Variants in RNF111 observed in about 807,000 individuals in gnomAD.
RNF111 encodes E3 ubiquitin-protein ligase Arkadia.
In RNF111, 17 loss-of-function variants were observed where a neutral mutation model predicts 95.1. The ratio of observed to expected loss-of-function variants is 0.18; its 90% CI spans 0.12 to 0.27. RNF111 has a LOEUF of 0.27. Ranked by LOEUF, RNF111 falls within the 10% of genes least tolerant of loss-of-function variation. The pLI, the probability that RNF111 is intolerant of heterozygous loss-of-function variation, is 1.00. For missense variants in RNF111, 1,189 were observed against 1,210.4 expected (o/e 0.98, Z 0.26); for synonymous variants, 440 against 414.8 (o/e 1.06, Z -0.74).
intron 8 of RNF111, among the ~76,000 whole-genome samples, chr15:59,081,679 C>T (rs1159382756): frequency 6.6e-6 from 1 of 152,008 alleles, no homozygotes; most frequent in Non-Finnish European, 1.5e-5. Context: ...GACTGTGCCA[C>T]TGCACTCTAG....
chr15:59,084,106 C>G (rs775054846), intron 8 of RNF111, 23 bp from the exon 9 acceptor site: 44 of 1,560,422 alleles, frequency 2.8e-5, no homozygotes, highest in Admixed American at 2.1e-4. Context: ...TTCCAGTGGT[C>G]TTTTTGTGTT....
At chr15:59,047,750 G>GT (rs1434338178) in intron 2 of RNF111, among the ~76,000 whole-genome samples, 5 of 151,728 alleles carry the variant, frequency 3.3e-5, no homozygotes, top group Non-Finnish European at 5.9e-5. Flanking sequence ...TAATTTTTGT[G>GT]TTTTTTGTAG....
At chr15:59,048,560 T>A (rs2141928937) in intron 2 of RNF111, among the ~76,000 whole-genome samples, 1 of 152,298 alleles carries the variant, frequency 6.6e-6, no homozygotes, top group East Asian at 1.9e-4. Context: ...TTACTAAAAT[T>A]AGCAAAATGT....
intron 4 of RNF111, among the ~76,000 whole-genome samples, chr15:59,057,783 C>T (rs1274700776): frequency 2.0e-5 from 3 of 152,202 alleles, no homozygotes; most frequent in Admixed American, 1.3e-4. Context: ...CTCTGTAAGG[C>T]ATCATACGAA....
intron 1 of RNF111, among the ~76,000 whole-genome samples, chr15:59,016,981 C>G (rs1344370976): frequency 6.6e-6 from 1 of 151,862 alleles, no homozygotes; most frequent in African/African-American, 2.4e-5. Context: ...CTGTCACTGT[C>G]TCCCATCACC....
chr15:59,024,399 C>A (rs1184659130), intron 1 of RNF111, among the ~76,000 whole-genome samples: 1 of 152,128 alleles, frequency 6.6e-6, no homozygotes, highest in Non-Finnish European at 1.5e-5. Context: ...GAGATTCCTG[C>A]TTCCTTGGAA....
chr15:59,036,825 T>C (rs556108364), intron 2 of RNF111, among the ~76,000 whole-genome samples: 1 of 152,220 alleles, frequency 6.6e-6, no homozygotes, highest in South Asian at 2.1e-4. Context: ...TTGTGGTTCT[T>C]TTTGGTTTGG....
chr15:59,042,693 T>G (rs960135635), intron 2 of RNF111, among the ~76,000 whole-genome samples: 4 of 152,240 alleles, frequency 2.6e-5, no homozygotes, highest in Non-Finnish European at 2.9e-5. Context: ...TTTTTCCTAT[T>G]GACTTGAGAT....
chr15:59,002,490 C>G (rs2039365474), intron 1 of RNF111, among the ~76,000 whole-genome samples: 1 of 151,490 alleles, frequency 6.6e-6, no homozygotes, highest in Non-Finnish European at 1.5e-5. Flanking sequence ...ATGTAATAAT[C>G]TTATGTAAAA....
Position 59,058,318 on chromosome 15 carries a change from T to C in RNF111, c.1172-38T>C. On this transcript the variant is annotated intron_variant, in intron 4 of 13. Coordinates refer to ENST00000348370, the MANE Select transcript of RNF111 (RefSeq NM_017610.8). ...TTAAAATATAACCCTTTATCTAATTTGTTTTGAAATGCTAAGTTGACATTT... is the reference window on the plus strand; with the variant it reads ...TTAAAATATAACCCTTTATCTAATTCGTTTTGAAATGCTAAGTTGACATTT... The C allele has an allele frequency of 2.0e-6, 3 of 1,517,724 alleles. No homozygotes were observed. The South Asian group carries it at 3.4e-5, about 17-fold the overall frequency. 94.0% of individuals were successfully genotyped at this position (1,517,724 alleles called of 1,614,324 possible). A position where few individuals can be genotyped will look rare whatever the true frequency, so the allele number is the denominator to read the frequency against.
At chr15:59,072,892 A>C (rs1012995942) in intron 6 of RNF111, among the ~76,000 whole-genome samples, 1 of 151,630 alleles carries the variant, frequency 6.6e-6, no homozygotes, top group Admixed American at 6.6e-5. Context: ...AAAAAAAAAA[A>C]ACAAAACACT....
intron 2 of RNF111, among the ~76,000 whole-genome samples, chr15:59,036,898 T>C (rs1301456962): frequency 6.6e-6 from 1 of 152,100 alleles, no homozygotes; most frequent in Non-Finnish European, 1.5e-5. Context: ...GGTGCAATTA[T>C]GACTCGCTGC....
At chr15:58,991,061 C>T (rs560671017) in intron 1 of RNF111, among the ~76,000 whole-genome samples, 6 of 151,938 alleles carry the variant, frequency 3.9e-5, no homozygotes, top group South Asian at 2.1e-4. Context: ...TTTGGGAAGC[C>T]GAGGCGGGTA....
intron 5 of RNF111, among the ~76,000 whole-genome samples, chr15:59,064,951 C>G (rs1263472049): frequency 6.6e-6 from 1 of 151,974 alleles, no homozygotes; most frequent in Admixed American, 6.6e-5. Context: ...TATGTGAACC[C>G]ATAATTCCCT....
intron 2 of RNF111, among the ~76,000 whole-genome samples, chr15:59,043,147 C>T (rs2041546290): frequency 6.6e-6 from 1 of 150,920 alleles, no homozygotes; most frequent in Non-Finnish European, 1.5e-5. Context: ...TTAAAGTGTA[C>T]AATTTAGTAA....
At chr15:59,005,807 A>G (rs1384600462) in intron 1 of RNF111, among the ~76,000 whole-genome samples, 7 of 152,244 alleles carry the variant, frequency 4.6e-5, no homozygotes, top group East Asian at 1.9e-4. Context: ...AACAACAACA[A>G]TAAAAGCTAT....
At chr15:59,012,743 CTTT>C (rs71119428) in intron 1 of RNF111, among the ~76,000 whole-genome samples, 3 of 142,862 alleles carry the variant, frequency 2.1e-5, no homozygotes, top group African/African-American at 7.7e-5. Context: ...CTCTTTTTTT[CTTT>C]TTTTTTTTTT....
At chr15:59,036,162 G>A (rs753358872) in intron 2 of RNF111, among the ~76,000 whole-genome samples, 2 of 152,038 alleles carry the variant, frequency 1.3e-5, no homozygotes, top group Non-Finnish European at 2.9e-5. Context: ...TGCAACCTCT[G>A]CCTCCTGGGT....
chr15:59,065,939 T>C (rs1278055436), intron 5 of RNF111, among the ~76,000 whole-genome samples: 1 of 151,924 alleles, frequency 6.6e-6, no homozygotes, highest in Non-Finnish European at 1.5e-5. Flanking sequence ...TGAGCAAATA[T>C]ATACAATGTA....
Sources: gnomAD v4.1 joint callset for allele counts (sites outside exome capture counted in the v4.1 genomes callset) on GRCh38, gnomAD v4.1.1 for gene constraint, MANE v1.5 for transcripts, NCBI Gene and HGNC (gene_info 2026-07-23, HGNC 2026-07-21) for gene names.